The following CDYL variants were observed in gnomAD, a reference collection of about 807,000 sequenced individuals.
The protein encoded by CDYL is chromodomain Y-like protein.
CDYL carries 8 observed loss-of-function variants against 47.3 expected under a neutral mutation model. The ratio of observed to expected loss-of-function variants is 0.17; its 90% CI spans 0.10 to 0.31. CDYL has a LOEUF of 0.31. Among genes scored for constraint, CDYL ranks in the 10% least tolerant of loss-of-function variants. The pLI, the probability that CDYL is intolerant of heterozygous loss-of-function variation, is 1.00. For synonymous variants in CDYL, 266 were observed against 265.0 expected (o/e 1.00, Z -0.04); for missense variants, 471 against 701.4 (o/e 0.67, Z 3.71).
At chr6:4,883,831 C>A (rs192598436) in intron 1 of CDYL, among the ~76,000 whole-genome samples, 3 of 152,270 alleles carry the variant, frequency 2.0e-5, no homozygotes, top group East Asian at 3.9e-4. Flanking sequence ...CTCCTAGAAG[C>A]ATAGTGACTT....
At chr6:4,890,213 A>G (rs1762004483) in intron 1 of CDYL, 4 of 952,332 alleles carry the variant, frequency 4.2e-6, no homozygotes, top group Non-Finnish European at 5.0e-6. Context: ...TAAAACTCTT[A>G]AACTATTTCT....
upstream of CDYL, among the ~76,000 whole-genome samples, chr6:4,776,136 A>T (rs1445757229): frequency 1.4e-5 from 2 of 147,098 alleles, no homozygotes; most frequent in African/African-American, 2.5e-5. Flanking sequence ...GGACTGGGGA[A>T]GTCGGAGCCC....
chr6:4,826,665 T>G (rs888027710), intron 1 of CDYL, among the ~76,000 whole-genome samples: 3 of 152,210 alleles, frequency 2.0e-5, no homozygotes, highest in Non-Finnish European at 4.4e-5. Flanking sequence ...ATTTTCCCAT[T>G]TTTCTTTTGG....
At chr6:4,758,351 A>AATATATATATATATATATATATATATAT (rs56250752) in intron 3 of CDYL, among the ~76,000 whole-genome samples, 2 of 129,078 alleles carry the variant, frequency 1.5e-5, no homozygotes, top group African/African-American at 6.1e-5. Flanking sequence ...AAAATAAATA[A>AATATATATATATATATATATATATATAT]ATATATATAT....
chr6:4,758,493 C>A (rs1393500949), intron 3 of CDYL, among the ~76,000 whole-genome samples: 2 of 151,658 alleles, frequency 1.3e-5, no homozygotes, highest in Non-Finnish European at 2.9e-5. Context: ...AAACCCATCT[C>A]TACTAAAAAT....
At chr6:4,830,804 C>A (rs1371843623) in intron 1 of CDYL, among the ~76,000 whole-genome samples, 1 of 137,448 alleles carries the variant, frequency 7.3e-6, no homozygotes, top group Non-Finnish European at 1.5e-5. Context: ...CTTCCTGTGT[C>A]CATGTGTTTT....
chr6:4,816,927 G>A (rs899257540), intron 1 of CDYL, among the ~76,000 whole-genome samples: 1 of 152,064 alleles, frequency 6.6e-6, no homozygotes, highest in Non-Finnish European at 1.5e-5. Flanking sequence ...GTGTACTGAG[G>A]TTCCACTTGC....
At position 4,952,247 on chromosome 6, in the gene CDYL, C is replaced by T. The variant is rs920487579; in HGVS notation, c.1333-19C>T. 3 of 1,610,074 alleles carry T rather than the reference C, an allele frequency of 1.9e-6. No homozygotes were observed. Among genetic ancestry groups the T allele is most frequent in the Non-Finnish European group, 2.5e-6 (3 of 1,177,764 alleles). ...CCTCCCACCGCAATTCATATTACAT[C>T]CACTCTTCTTCCTTGCAGGCAAACG... On this transcript the variant is annotated intron_variant, in intron 5 of 6. Transcript: ENST00000397588.
chr6:4,717,824 A>G (rs1222090151), intron 2 of CDYL, among the ~76,000 whole-genome samples: 4 of 146,982 alleles, frequency 2.7e-5, no homozygotes, highest in African/African-American at 1.0e-4. Context: ...GTCTTCACAG[A>G]CATCACCCTG....
In CDYL at chr6:4,756,573, C is replaced by CGT. The variant is rs1228739911; in HGVS notation, c.186+21734_186+21735dup. ...TAGTAATTGTAGTAATTAAAATTAT[C>CGT]GTGTGTATGTGTGTGTGTGTGTGTG... On this transcript the variant is annotated intron_variant, in intron 3 of 8. Transcript: ENST00000328908. Among the ~76,000 whole-genome samples, 4 of 125,280 alleles carry CGT rather than the reference C, an allele frequency of 3.2e-5. No individual in the cohort carries two copies. The South Asian group carries it at 8.4e-4, about 26-fold the overall frequency. 82.2% of individuals were successfully genotyped at this position (125,280 alleles called of 152,430 possible).
chr6:4,916,792 T>C (rs1757568083), intron 2 of CDYL, among the ~76,000 whole-genome samples: 1 of 152,244 alleles, frequency 6.6e-6, no homozygotes, highest in Admixed American at 6.5e-5. Context: ...CATTTTCTTA[T>C]GATGCTTCCT....
chr6:4,907,711 T>G (rs998342799), intron 2 of CDYL, among the ~76,000 whole-genome samples: 4 of 152,216 alleles, frequency 2.6e-5, no homozygotes, highest in African/African-American at 9.6e-5. Flanking sequence ...TGCTCAAAAC[T>G]GATCGCAAAA....
intron 2 of CDYL, among the ~76,000 whole-genome samples, chr6:4,910,832 ATT>A (rs34456219): frequency 1.4e-4 from 21 of 147,380 alleles, no homozygotes; most frequent in Admixed American, 4.0e-4. Flanking sequence ...CTGAGAAAGG[ATT>A]TTTTTTTTTT....
chr6:4,733,848 CTTCTTT>C (rs1227815687), intron 2 of CDYL, among the ~76,000 whole-genome samples: 5 of 64,096 alleles, frequency 7.8e-5, no homozygotes, highest in African/African-American at 2.0e-4. Flanking sequence ...TTCTTTTCTT[CTTCTTT>C]TTTTTTTTTT....
At chr6:4,838,310 C>T (rs1343915787) in intron 1 of CDYL, among the ~76,000 whole-genome samples, 1 of 151,990 alleles carries the variant, frequency 6.6e-6, no homozygotes, top group Non-Finnish European at 1.5e-5. Context: ...CACCCCCCTC[C>T]CACCCTTTCC....
chr6:4,726,009 T>G (rs1280348966), intron 2 of CDYL, among the ~76,000 whole-genome samples: 1 of 152,214 alleles, frequency 6.6e-6, no homozygotes, highest in African/African-American at 2.4e-5. Flanking sequence ...TAAGGGCGAC[T>G]GAAATTTACA....
At chr6:4,857,426 C>T (rs1438734554) in intron 1 of CDYL, among the ~76,000 whole-genome samples, 1 of 152,174 alleles carries the variant, frequency 6.6e-6, no homozygotes, top group Non-Finnish European at 1.5e-5. Flanking sequence ...GAGGACTTCC[C>T]TTCGTGGGGC....
intron 2 of CDYL, among the ~76,000 whole-genome samples, chr6:4,915,193 T>C: frequency 6.6e-6 from 1 of 152,254 alleles, no homozygotes; most frequent in East Asian, 1.9e-4. Context: ...TGATGATGAA[T>C]AAATTCCTAG....
At chr6:4,898,702 G>A (rs1196637467) in intron 2 of CDYL, among the ~76,000 whole-genome samples, 1 of 152,168 alleles carries the variant, frequency 6.6e-6, no homozygotes, top group Admixed American at 6.5e-5. Flanking sequence ...AAGGATTCTA[G>A]TGCAGAGTTT....
Sources: allele counts gnomAD v4.1 joint callset (sites outside exome capture counted in the v4.1 genomes callset), GRCh38; gene constraint gnomAD v4.1.1; transcripts MANE v1.5; gene names NCBI Gene and HGNC (gene_info 2026-07-23, HGNC 2026-07-21).